Variants in ARAP2 observed in about 807,000 individuals in gnomAD.
ARAP2 encodes arf-GAP with Rho-GAP domain, ANK repeat and PH domain-containing protein 2.
ARAP2 carries 148 observed loss-of-function variants against 194.5 expected under a neutral mutation model. The observed-to-expected ratio is 0.76, with a 90% CI of 0.67 to 0.87. The LOEUF (loss-of-function observed/expected upper bound fraction) is 0.87, where lower values mean the gene tolerates loss of function less well. Ranked by LOEUF, ARAP2 falls within the 40% of genes least tolerant of loss-of-function variation. The probability of loss-of-function intolerance (pLI) is 0.00; values close to 1 mark genes in which losing one functional copy is unlikely to be tolerated. For synonymous variants in ARAP2, 695 were observed against 683.5 expected, an observed-to-expected ratio of 1.02 and a Z score of -0.26; for missense variants, 2,128 against 1,989.7, an observed-to-expected ratio of 1.07 and a Z score of -1.32.
chr4:36,241,663 C>T (rs1401494649), intron 1 of ARAP2, among the ~76,000 whole-genome samples: 1 of 152,018 alleles, frequency 6.6e-6, no homozygotes, highest in African/African-American at 2.4e-5. Flanking sequence ...ATAAACAATA[C>T]CAAAGACACC....
At chr4:36,144,223 C>T (rs1054461981) in intron 19 of ARAP2, among the ~76,000 whole-genome samples, 46 of 151,812 alleles carry the variant, frequency 3.0e-4, no homozygotes, top group African/African-American at 1.1e-3. Context: ...AGGATAAACA[C>T]ATTTGTTAAG....
chr4:36,063,011 C>CTAATT (rs552429166), downstream of ARAP2, among the ~76,000 whole-genome samples: 209 of 152,204 alleles, frequency 1.4e-3, no homozygotes, highest in African/African-American at 5.0e-3. Flanking sequence ...TCTGCCTTAA[C>CTAATT]TAATTGGTAA....
Position 36,066,862 on chromosome 4 carries a change from C to T in ARAP2, c.*1045G>A, listed in dbSNP as rs1459672875. 4.6e-5 allele frequency: 7 copies of T among 152,098 alleles called. No homozygotes were observed. The highest frequency in any genetic ancestry group is 4.6e-4 in the Admixed American group (7 of 15,268). The allele number at this position is 152,098 out of a possible 1,614,324, so 9.4% of individuals were successfully genotyped here. ...AAATGTATAGTAAACCACCAACTAG[C>T]CCCTGGCTCCATAATGGCCATATAT... On this transcript the variant is annotated 3_prime_UTR_variant, in exon 33 of 33. Coordinates refer to ENST00000303965, the MANE Select transcript of ARAP2 (RefSeq NM_015230.4).
chr4:36,119,679 T>C lies in ARAP2; in HGVS notation c.3934A>G (p.Ser1312Gly). 1 of 1,604,422 alleles carries C rather than the reference T, an allele frequency of 6.2e-7. No individual in the cohort carries two copies. The highest frequency in any genetic ancestry group is 2.2e-5 in the East Asian group (1 of 44,624). The change falls in exon 24 of 33, where the codon AGC becomes GGC. Residue 1312 changes from serine (S) to glycine (G), a missense_variant. Coordinates refer to ENST00000303965, the MANE Select transcript of ARAP2 (RefSeq NM_015230.4). ...GTGTCTTTCCACTTGGTAATAAAGC[T>C]ATTTTCTATGTCCATTTGTTTGACT... The part of the protein sequence containing the change: ...DQVKQMDIEN[S>G]FITKWKDTQV...
chr4:36,009,634 CCT>C (rs569989119), intron 9 of ARAP2, among the ~76,000 whole-genome samples: 264 of 152,118 alleles, frequency 1.7e-3, no homozygotes, highest in African/African-American at 5.7e-3. Context: ...ATATTTATCC[CCT>C]GATTATAAAA....
intron 1 of ARAP2, among the ~76,000 whole-genome samples, chr4:36,237,008 T>C (rs1363638939): frequency 2.0e-5 from 3 of 152,232 alleles, no homozygotes; most frequent in African/African-American, 7.2e-5. Context: ...TCCATGTACA[T>C]GGCTAAACCT....
intron 6 of ARAP2, 54 bp from the exon 7 acceptor site, chr4:36,193,701 G>T: frequency 1.5e-6 from 2 of 1,312,136 alleles, no homozygotes; most frequent in Non-Finnish European, 2.2e-6. Flanking sequence ...AACTTAGATT[G>T]TTAAATTCAT....
Position 36,082,170 on chromosome 4 carries a change from T to C in ARAP2, c.4544+81A>G, listed in dbSNP as rs952335663. The C allele has an allele frequency of 8.4e-6, 11 of 1,306,514 alleles. No individual in the cohort carries two copies. In the African/African-American group the frequency reaches 1.5e-4, roughly 18 times the overall value. 80.9% of individuals were successfully genotyped at this position (1,306,514 alleles called of 1,614,324 possible). A position where few individuals can be genotyped will look rare whatever the true frequency, so the allele number is the denominator to read the frequency against. Reference sequence around the variant, plus strand: ...GCAAAACACTTTCCGTCTGTAGTTCTATCTGCAATTACTGAAATTATTCTT... The same window carrying C: ...GCAAAACACTTTCCGTCTGTAGTTCCATCTGCAATTACTGAAATTATTCTT... On this transcript the variant is annotated intron_variant, in intron 30 of 32. Coordinates refer to ENST00000303965, the MANE Select transcript of ARAP2 (RefSeq NM_015230.4).
At chr4:36,173,236 C>G (rs987132914) in intron 9 of ARAP2, among the ~76,000 whole-genome samples, 4 of 152,050 alleles carry the variant, frequency 2.6e-5, no homozygotes, top group Non-Finnish European at 4.4e-5. Context: ...GAAACCAACG[C>G]CAATTGTCTT....
intron 6 of ARAP2, among the ~76,000 whole-genome samples, chr4:36,017,638 G>T (rs1716106865): frequency 7.1e-6 from 1 of 141,660 alleles, no homozygotes; most frequent in Non-Finnish European, 1.5e-5. Flanking sequence ...CAATGGTCTT[G>T]GGGAGAAATG....
intron 7 of ARAP2, among the ~76,000 whole-genome samples, chr4:36,189,234 C>G (rs1476287555): frequency 3.9e-5 from 6 of 152,036 alleles, no homozygotes. Flanking sequence ...CTATAAAAAT[C>G]CTTTTCCACT....
chr4:36,192,491 C>T (rs1392956619), intron 7 of ARAP2, among the ~76,000 whole-genome samples: 2 of 152,038 alleles, frequency 1.3e-5, no homozygotes, highest in African/African-American at 4.8e-5. Context: ...AATGGTAGTG[C>T]CAGCAACAGT....
In ARAP2 at chr4:36,210,671, T is replaced by C; in HGVS notation, c.1206A>G (p.Lys402=). 6.2e-7 allele frequency: 1 copy of C among 1,613,650 alleles called. No individual in the cohort carries two copies. Among genetic ancestry groups the C allele is most frequent in the Non-Finnish European group, 8.5e-7 (1 of 1,179,834 alleles). The stretch of plus-strand genomic sequence containing the variant: ...AAGCAGTGTCTATCAAAAAATTGTT[T>C]TTGTCCTCTCGAGGTATCCAAATAT... ...VEDIWIPRED[K]NNFLIDTASE... is the part of the protein sequence containing the mutation. The change falls in exon 6 of 33, where the codon AAA becomes AAG. Residue 402 remains lysine (K), a synonymous_variant. Coordinates refer to ENST00000303965, the MANE Select transcript of ARAP2 (RefSeq NM_015230.4).
intron 12 of ARAP2, among the ~76,000 whole-genome samples, chr4:36,160,964 A>C (rs1305365614): frequency 6.6e-6 from 1 of 152,200 alleles, no homozygotes; most frequent in Non-Finnish European, 1.5e-5. Flanking sequence ...AGGTGGGCTA[A>C]TGCTGTCTGA....
At chr4:36,222,242 G>A (rs1237123302) in intron 2 of ARAP2, among the ~76,000 whole-genome samples, 4 of 152,026 alleles carry the variant, frequency 2.6e-5, no homozygotes, top group Non-Finnish European at 4.4e-5. Flanking sequence ...ATGAGATGAT[G>A]CTTTTACAGA....
At chr4:36,069,935 C>T (rs1477642595) in intron 32 of ARAP2, among the ~76,000 whole-genome samples, 6 of 151,998 alleles carry the variant, frequency 3.9e-5, no homozygotes, top group African/African-American at 1.2e-4. Context: ...GCACCTTTCC[C>T]CCCTCTCTCT....
chr4:36,130,741 A>T (rs993848549), intron 20 of ARAP2, among the ~76,000 whole-genome samples: 1 of 151,894 alleles, frequency 6.6e-6, no homozygotes, highest in South Asian at 2.1e-4. Context: ...ATATCTCTGT[A>T]TATATCCGGC....
chr4:36,187,174 G>A (rs1219329066), intron 8 of ARAP2, among the ~76,000 whole-genome samples: 1 of 152,138 alleles, frequency 6.6e-6, no homozygotes, highest in African/African-American at 2.4e-5. Flanking sequence ...CGAAAGCAGA[G>A]AATTGTGTCT....
chr4:36,159,607 T>G, intron 13 of ARAP2, 102 bp from the exon 14 acceptor site: 1 of 1,049,452 alleles, frequency 9.5e-7, no homozygotes, highest in Non-Finnish European at 1.3e-6. Context: ...ATAAAGTCTG[T>G]ATTCCTTTTA....
Sources: allele counts gnomAD v4.1 joint callset (sites outside exome capture counted in the v4.1 genomes callset), GRCh38; gene constraint gnomAD v4.1.1; transcripts MANE v1.5; gene names NCBI Gene and HGNC (gene_info 2026-07-23, HGNC 2026-07-21).